Variants in GABPB2 observed in about 807,000 individuals in gnomAD.
GABPB2 encodes the protein GA binding protein transcription factor subunit beta 2.
Under a neutral mutation model 39.1 loss-of-function variants are expected in GABPB2, and 23 were observed. The observed-to-expected ratio is 0.59, with a 90% CI of 0.42 to 0.83. The LOEUF is 0.83. Among genes scored for constraint, GABPB2 ranks in the 40% least tolerant of loss-of-function variants. The pLI is 0.00. For missense variants in GABPB2, 467 were observed against 541.1 expected, an observed-to-expected ratio of 0.86 and a Z score of 1.36; for synonymous variants, 184 against 199.3, an observed-to-expected ratio of 0.92 and a Z score of 0.65.
rs1680963919 is a variant in GABPB2 at position 151,117,468 on chromosome 1, A to G, written c.999A>G (p.Thr333=). The change falls in exon 8 of 9, where the codon ACA becomes ACG. Residue 333 remains threonine (T), a synonymous_variant. Coordinates refer to ENST00000368918, the MANE Select transcript of GABPB2 (RefSeq NM_144618.3). Reference sequence around the variant, plus strand: ...AAGAAGAAGAGAAGTTGCCACTAACAAAGAAACCAAGGATAGGAGAGAAGA... The same window carrying G: ...AAGAAGAAGAGAAGTTGCCACTAACGAAGAAACCAAGGATAGGAGAGAAGA... ...KEEEEEKLPL[T]KKPRIGEKTN... The G allele has an allele frequency of 6.2e-7, 1 of 1,614,094 alleles. No homozygotes were observed. Among genetic ancestry groups the G allele is most frequent in the African/African-American group, 1.3e-5 (1 of 75,066 alleles).
At chr1:151,107,579 G>A (rs1223548768) in intron 7 of GABPB2, among the ~76,000 whole-genome samples, 2 of 150,326 alleles carry the variant, frequency 1.3e-5, no homozygotes, top group Non-Finnish European at 2.9e-5. Flanking sequence ...TCAGCTCACT[G>A]CAGGCTCCGC....
chr1:151,115,427 G>A, intron 7 of GABPB2, among the ~76,000 whole-genome samples: 1 of 145,752 alleles, frequency 6.9e-6, no homozygotes, highest in Non-Finnish European at 1.5e-5. Flanking sequence ...TTCAAATGGA[G>A]TCTCACTCTG....
rs59454556 is a variant in GABPB2 at position 151,117,412 on chromosome 1, A to C, written c.943A>C (p.Lys315Gln). 83,244 of 1,613,152 alleles carry C rather than the reference A, an allele frequency of 0.052. 7,687 individuals are homozygous for C. The highest frequency in any genetic ancestry group is 0.41 in the African/African-American group (30,538 of 74,870). The change falls in exon 8 of 9, where the codon AAG becomes CAG. Residue 315 changes from lysine to glutamine, a missense_variant. Transcript: ENST00000368918. Reference protein sequence around the residue: ...GQQVLTVPAGKVAEETVIKEE... With the variant: ...GQQVLTVPAGQVAEETVIKEE... ...TGTAGTTCTAACTGTACCTGCTGGT[A>C]AGGTTGCAGAGGAGACTGTAATTAA... is the stretch of plus-strand genomic sequence containing the variant.
chr1:151,091,465 C>CCAA lies in GABPB2; in HGVS notation c.276+892_276+893insCAA, dbSNP rs1558138308. On this transcript the variant is annotated intron_variant, in intron 3 of 8. Coordinates refer to ENST00000368918, the MANE Select transcript of GABPB2 (RefSeq NM_144618.3). ...GGTGCGGTGGCTCACTCCTGTGTCT[C>CCAA]AAAAAAAAAAAAAAAAAAAAAAAAA... 4.1e-5 allele frequency among the ~76,000 whole-genome samples: 3 copies of CCAA among 73,444 alleles called. 1 individual carries two copies. Among genetic ancestry groups the CCAA allele is most frequent in the South Asian group, 1.1e-3 (2 of 1,772 alleles). The allele number at this position is 73,444 out of a possible 152,430, so 48.2% of individuals were successfully genotyped here.
At chr1:151,093,013 G>A (rs1260786844) in intron 3 of GABPB2, among the ~76,000 whole-genome samples, 179 bp from the exon 4 acceptor site, 1 of 152,136 alleles carries the variant, frequency 6.6e-6, no homozygotes, top group African/African-American at 2.4e-5. Flanking sequence ...CTCGTTGAAA[G>A]CATTATGTCT....
chr1:151,118,499 T>C lies in GABPB2; in HGVS notation c.*243T>C. ...CAAATTTCTTAGCTCATATCATTGCTTTAAACATAGAAGTAAAAGAATACT... is the reference window on the plus strand; with the variant it reads ...CAAATTTCTTAGCTCATATCATTGCCTTAAACATAGAAGTAAAAGAATACT... On this transcript the variant is annotated 3_prime_UTR_variant, in exon 9 of 9. Transcript: ENST00000368918. 1 of 414,968 alleles carries C rather than the reference T, an allele frequency of 2.4e-6. No homozygotes were observed. Among genetic ancestry groups the C allele is most frequent in the Non-Finnish European group, 4.3e-6 (1 of 232,368 alleles). The allele number at this position is 414,968 out of a possible 1,614,324, so 25.7% of individuals were successfully genotyped here. A position where few individuals can be genotyped will look rare whatever the true frequency, so the allele number is the denominator to read the frequency against.
intron 1 of GABPB2, among the ~76,000 whole-genome samples, chr1:151,081,701 C>G (rs1677716487): frequency 6.6e-6 from 1 of 151,770 alleles, no homozygotes; most frequent in Non-Finnish European, 1.5e-5. Context: ...GTGGCGTGAC[C>G]TTGGCTCACT....
chr1:151,077,069 A>G (rs1384350700), intron 1 of GABPB2, among the ~76,000 whole-genome samples: 1 of 152,162 alleles, frequency 6.6e-6, no homozygotes, highest in African/African-American at 2.4e-5. Context: ...CTGGGATTAC[A>G]CTTGGTCTGA....
Position 151,074,509 on chromosome 1 carries a change from C to T in GABPB2, c.-1+3575C>T, listed in dbSNP as rs587752011. 1.0e-4 allele frequency among the ~76,000 whole-genome samples: 15 copies of T among 145,566 alleles called. No individual in the cohort carries two copies. In the East Asian group the frequency reaches 2.3e-3, roughly 22 times the overall value. On this transcript the variant is annotated intron_variant, in intron 1 of 8. Coordinates refer to ENST00000368918, the MANE Select transcript of GABPB2 (RefSeq NM_144618.3). Reference sequence around the variant, plus strand: ...TTTTTTTTTGTATTTTTAGTAGAGACGGGGTTTCACCACGTTAGCCAGGAT... The same window carrying T: ...TTTTTTTTTGTATTTTTAGTAGAGATGGGGTTTCACCACGTTAGCCAGGAT...
chr1:151,094,274 A>G (rs1420802600), intron 4 of GABPB2, among the ~76,000 whole-genome samples: 1 of 151,404 alleles, frequency 6.6e-6, no homozygotes, highest in Non-Finnish European at 1.5e-5. Flanking sequence ...CTGGTCTCGA[A>G]CTCCTAACTT....
rs1681076495 is a variant in GABPB2, at chr1:151,119,028, A to G, written c.*772A>G. 6.6e-6 allele frequency: 1 copy of G among 152,202 alleles called. No homozygotes were observed. The highest frequency in any genetic ancestry group is 1.5e-5 in the Non-Finnish European group (1 of 68,044). The allele number at this position is 152,202 out of a possible 1,614,324, so 9.4% of individuals were successfully genotyped here. On this transcript the variant is annotated 3_prime_UTR_variant, in exon 9 of 9. Transcript: ENST00000368918. ...AGATGCTTGTGTAAGAAACTGAAAT[A>G]AGCTGCGTGTGGTGGCTCACACCTG...
chr1:151,087,204 C>T (rs587686360), intron 1 of GABPB2, among the ~76,000 whole-genome samples: 4 of 151,634 alleles, frequency 2.6e-5, no homozygotes, highest in Admixed American at 6.6e-5. Context: ...CTAGGCTGGT[C>T]TCAAACTCGT....
rs1224825468 is a variant in GABPB2, at chr1:151,088,188, A to G, written c.1-2A>G. ...TGAAAACTTTTGTTCCTATGCATAA[A>G]GATGTCTTTGGTGGACTTGGGAAAG... On this transcript the variant is annotated splice_acceptor_variant, in intron 1 of 8. Transcript: ENST00000368918. LOFTEE classifies it low-confidence loss of function (5UTR_SPLICE). 1 of 1,612,702 alleles carries G rather than the reference A, an allele frequency of 6.2e-7. No homozygotes were observed. Among genetic ancestry groups the G allele is most frequent in the Non-Finnish European group, 8.5e-7 (1 of 1,178,874 alleles).
chr1:151,091,012 C>CAAAACAAA (rs796116090), intron 3 of GABPB2, among the ~76,000 whole-genome samples: 1 of 147,790 alleles, frequency 6.8e-6, no homozygotes, highest in Admixed American at 6.7e-5. Flanking sequence ...CAAAACAAAA[C>CAAAACAAA]AAAACAAAAA....
intron 3 of GABPB2, among the ~76,000 whole-genome samples, chr1:151,092,351 C>T (rs192132524): frequency 3.3e-5 from 5 of 151,308 alleles, no homozygotes; most frequent in African/African-American, 7.3e-5. Flanking sequence ...GTGATCCACC[C>T]GCCTCAGCCT....
chr1:151,125,438 A>T lies in GABPB2; in HGVS notation c.*7182A>T, dbSNP rs1572010315. 1 of 152,152 alleles carries T rather than the reference A, an allele frequency of 6.6e-6. No individual in the cohort carries two copies. The highest frequency in any genetic ancestry group is 2.4e-5 in the African/African-American group (1 of 41,424). The allele number at this position is 152,152 out of a possible 1,614,324, so 9.4% of individuals were successfully genotyped here. A position where few individuals can be genotyped will look rare whatever the true frequency, so the allele number is the denominator to read the frequency against. ...AGCAAGTTTGTGTGTATATGTGTGT[A>T]TGAGCATTTGTATGTATATATACTT... On this transcript the variant is annotated 3_prime_UTR_variant, in exon 9 of 9. Transcript: ENST00000368918.
chr1:151,073,722 C>T (rs971405922), intron 1 of GABPB2, among the ~76,000 whole-genome samples: 1 of 152,008 alleles, frequency 6.6e-6, no homozygotes, highest in East Asian at 1.9e-4. Flanking sequence ...GAGTTCAAGA[C>T]CAGCCTGGCC....
At chr1:151,108,111 G>A (rs182659414) in intron 7 of GABPB2, among the ~76,000 whole-genome samples, 1 of 152,206 alleles carries the variant, frequency 6.6e-6, no homozygotes, top group East Asian at 1.9e-4. Flanking sequence ...CTCTAAAAAG[G>A]ATATTGGTAA....
At position 151,118,067 on chromosome 1, in the gene GABPB2, T is replaced by C. The variant is rs762983324; in HGVS notation, c.1158T>C (p.Arg386=). The C allele has an allele frequency of 1.2e-6, 2 of 1,614,006 alleles. No individual in the cohort carries two copies. The highest frequency in any genetic ancestry group is 1.3e-5 in the African/African-American group (1 of 74,908). Residue 386 remains arginine (R), a synonymous_variant, in exon 9 of 9, where the codon CGT becomes CGC. Transcript: ENST00000368918. The part of the protein sequence containing the change: ...LKKEQEAEQY[R]LKLEAIARQQ... ...AAGAGCAGGAAGCAGAACAGTACCG[T>C]CTTAAGCTGGAGGCCATAGCCCGAC...
Sources: gnomAD v4.1 joint callset for allele counts (sites outside exome capture counted in the v4.1 genomes callset) on GRCh38, gnomAD v4.1.1 for gene constraint, MANE v1.5 for transcripts, NCBI Gene and HGNC (gene_info 2026-07-23, HGNC 2026-07-21) for gene names.